The following UGT2B17 variants were observed in gnomAD, a reference collection of about 807,000 sequenced individuals.
UGT2B17 encodes the protein UDP glucuronosyltransferase family 2 member B17.
Under a neutral mutation model 48.2 loss-of-function variants are expected in UGT2B17, and 21 were observed. The observed-to-expected ratio is 0.44, with a 90% CI of 0.31 to 0.63. UGT2B17 has a LOEUF of 0.63. Among genes scored for constraint, UGT2B17 ranks in the 20% least tolerant of loss-of-function variants. UGT2B17 has a pLI of 0.08. For synonymous variants in UGT2B17, 146 were observed against 238.4 expected (o/e 0.61, Z 3.57); for missense variants, 402 against 696.1 (o/e 0.58, Z 4.75).
Position 68,553,599 on chromosome 4 carries a change from C to A in UGT2B17, c.1006-1688G>T, listed in dbSNP as rs1161107906. 8.0e-5 allele frequency among the ~76,000 whole-genome samples: 10 copies of A among 125,176 alleles called. 2 individuals are homozygous for A. The Admixed American group carries it at 8.2e-4, about 10-fold the overall frequency. 82.1% of individuals were successfully genotyped at this position (125,176 alleles called of 152,430 possible). On this transcript the variant is annotated intron_variant, in intron 4 of 6. Coordinates refer to ENST00000317746, the MANE Select transcript of UGT2B17 (RefSeq NM_001077.4). The stretch of plus-strand genomic sequence containing the variant: ...TGGCTTCGAGATTACCACAGATTAC[C>A]TTGTACTGTGAGAGGATTTTACCTT...
At chr4:68,571,062 C>T (rs1375229726) in intron 1 of UGT2B17, among the ~76,000 whole-genome samples, 2 of 125,592 alleles carry the variant, frequency 1.6e-5, no homozygotes, top group African/African-American at 2.7e-5. Context: ...AAGGCTTGAC[C>T]GGTTTTATTA....
At chr4:68,574,139 G>T (rs1198470109) in intron 1 of UGT2B17, among the ~76,000 whole-genome samples, 1 of 127,020 alleles carries the variant, frequency 7.9e-6, no homozygotes, top group Non-Finnish European at 1.7e-5. Context: ...TTTGTAGCTT[G>T]ATATACTGTC....
intron 6 of UGT2B17, among the ~76,000 whole-genome samples, chr4:68,542,743 A>C (rs190028709): frequency 0.014 from 1,765 of 127,002 alleles, 428 homozygotes; most frequent in Non-Finnish European, 0.022. Context: ...CTCCCACCCT[A>C]ATACTGCGCT....
rs1731373649 is a variant in UGT2B17, at chr4:68,576,264, A to G, written c.-378T>C. Reference sequence around the variant, plus strand: ...AAACCTCTCAGACATCGAGTTGTAGAAGGAAGGGCTTTATTCAGCTGGGAA... The same window carrying G: ...AAACCTCTCAGACATCGAGTTGTAGGAGGAAGGGCTTTATTCAGCTGGGAA... On this transcript the variant is annotated 5_prime_UTR_variant, in exon 1 of 7. Coordinates refer to ENST00000317746, the MANE Select transcript of UGT2B17 (RefSeq NM_001077.4). Among the ~76,000 whole-genome samples, 4 of 125,934 alleles carry G rather than the reference A, an allele frequency of 3.2e-5. 2 individuals are homozygous for G. Among genetic ancestry groups the G allele is most frequent in the Non-Finnish European group, 3.4e-5 (2 of 59,452 alleles). The allele number at this position is 125,934 out of a possible 152,430, so 82.6% of individuals were successfully genotyped here.
At position 68,554,620 on chromosome 4, in the gene UGT2B17, A is replaced by C. The variant is rs1247666555; in HGVS notation, c.1006-2709T>G. 1.6e-5 allele frequency among the ~76,000 whole-genome samples: 2 copies of C among 125,358 alleles called. 1 individual carries two copies. The allele number at this position is 125,358 out of a possible 152,430, so 82.2% of individuals were successfully genotyped here. The stretch of plus-strand genomic sequence containing the variant: ...TGTGTAAGTGTTTGCATATATTTAA[A>C]AGGCCATTATAATTTCTATAATTTT... On this transcript the variant is annotated intron_variant, in intron 4 of 6. Coordinates refer to ENST00000317746, the MANE Select transcript of UGT2B17 (RefSeq NM_001077.4).
intron 4 of UGT2B17, among the ~76,000 whole-genome samples, chr4:68,558,098 TA>T (rs1390825712): frequency 8.1e-6 from 1 of 123,112 alleles, no homozygotes; most frequent in African/African-American, 2.8e-5. Flanking sequence ...CCTATGTAAA[TA>T]AAAAATTATT....
In UGT2B17 at chr4:68,575,475, T is replaced by C. The variant is rs1731357977; in HGVS notation, c.-65+476A>G. On this transcript the variant is annotated intron_variant, in intron 1 of 6. Coordinates refer to ENST00000317746, the MANE Select transcript of UGT2B17 (RefSeq NM_001077.4). ...TTTTCCTGGAGTCATAGTGACTCCATAGTCTCTATTAAATCCTTTCTTGAA... is the reference window on the plus strand; with the variant it reads ...TTTTCCTGGAGTCATAGTGACTCCACAGTCTCTATTAAATCCTTTCTTGAA... Among the ~76,000 whole-genome samples the C allele has an allele frequency of 1.6e-5, 2 of 125,294 alleles. 1 individual carries two copies. Among genetic ancestry groups the C allele is most frequent in the African/African-American group, 5.5e-5 (2 of 36,454 alleles). 82.2% of individuals were successfully genotyped at this position (125,294 alleles called of 152,430 possible). A position where few individuals can be genotyped will look rare whatever the true frequency, so the allele number is the denominator to read the frequency against.
intron 5 of UGT2B17, 106 bp from the exon 6 acceptor site, chr4:68,551,002 A>T: frequency 4.0e-6 from 3 of 755,740 alleles, no homozygotes; most frequent in Non-Finnish European, 5.5e-6. Context: ...CCTAGGTAAC[A>T]TTATACCCAC....
rs150513792 is a variant in UGT2B17, at chr4:68,551,888, C to T, written c.1029G>A (p.Lys343=). Residue 343 remains lysine, a synonymous_variant, in exon 5 of 7, where the codon AAG becomes AAA. Transcript: ENST00000317746. ...TATTGGAACCTAAAGTATTTGGCTT[C>T]TTGCCATCAAATCTCCATAGAACCT... is the stretch of plus-strand genomic sequence containing the variant. The part of the protein sequence containing the change: ...PQKVLWRFDG[K]KPNTLGSNTR... 6 of 1,363,190 alleles carry T rather than the reference C, an allele frequency of 4.4e-6. 2 individuals carry two copies. The African/African-American group carries it at 5.9e-5, about 13-fold the overall frequency. The allele number at this position is 1,363,190 out of a possible 1,614,324, so 84.4% of individuals were successfully genotyped here. A position where few individuals can be genotyped will look rare whatever the true frequency, so the allele number is the denominator to read the frequency against.
Position 68,537,737 on chromosome 4 carries a change from A to C in UGT2B17, c.1481T>G (p.Val494Gly), listed in dbSNP as rs1410254224. 7.2e-7 allele frequency: 1 copy of C among 1,379,438 alleles called. No homozygotes were observed. The highest frequency in any genetic ancestry group is 1.5e-5 in the African/African-American group (1 of 67,888). 85.4% of individuals were successfully genotyped at this position (1,379,438 alleles called of 1,614,324 possible). A position where few individuals can be genotyped will look rare whatever the true frequency, so the allele number is the denominator to read the frequency against. The change falls in exon 7 of 7, where the codon GTG (valine) becomes GGG (glycine). Residue 494 changes from valine (V) to glycine (G), a missense_variant. Val to Gly is a moderately radical substitution (Grantham distance 109). This residue lies in a region of UGT2B17 where 156 missense variants were observed against 258.6 expected (regional missense o/e 0.60). Transcript: ENST00000317746. ...CACGCAGGCCAGCAGGAATGCTATC[A>C]CATCCAAAGAGTGGTACTGGATCCA... ...LTWIQYHSLD[V>G]IAFLLACVAT...
rs2109766495 is a variant in UGT2B17, at chr4:68,552,003, C to T, written c.1006-92G>A. On this transcript the variant is annotated intron_variant, in intron 4 of 6. Transcript: ENST00000317746. ...TGAAGAGATTAATAATCAGTTAATCCATATAAAAGATGAAGAAATAAGAAG... is the reference window on the plus strand; with the variant it reads ...TGAAGAGATTAATAATCAGTTAATCTATATAAAAGATGAAGAAATAAGAAG... 3 of 878,276 alleles carry T rather than the reference C, an allele frequency of 3.4e-6. 1 individual carries two copies. Among genetic ancestry groups the T allele is most frequent in the Middle Eastern group, 6.1e-4 (2 of 3,278 alleles). 54.4% of individuals were successfully genotyped at this position (878,276 alleles called of 1,614,324 possible).
At position 68,565,656 on chromosome 4, in the gene UGT2B17, C is replaced by A; in HGVS notation, c.789G>T (p.Trp263Cys). 1 of 1,368,420 alleles carries A rather than the reference C, an allele frequency of 7.3e-7. No individual in the cohort carries two copies. The highest frequency in any genetic ancestry group is 9.5e-7 in the Non-Finnish European group (1 of 1,049,384). The allele number at this position is 1,368,420 out of a possible 1,614,324, so 84.8% of individuals were successfully genotyped here. The change falls in exon 3 of 7, where the codon TGG (tryptophan) becomes TGT (cysteine). Residue 263 changes from tryptophan to cysteine, a missense_variant. This residue lies in a region of UGT2B17 where 106 missense variants were observed against 169.8 expected (regional missense o/e 0.62). Coordinates refer to ENST00000317746, the MANE Select transcript of UGT2B17 (RefSeq NM_001077.4). ...KAEMWLIRTY[W>C]DFEFPRPFLP... The stretch of plus-strand genomic sequence containing the variant: ...AGAATGGGCGAGGAAATTCAAAATC[C>A]CAATAGGTTCGAATGAGCCACATTT...
rs1305803889 is a variant in UGT2B17, at chr4:68,551,502, T to C, written c.1093+322A>G. 1.4e-4 allele frequency among the ~76,000 whole-genome samples: 17 copies of C among 123,530 alleles called. 5 individuals carry two copies. Among genetic ancestry groups the C allele is most frequent in the Non-Finnish European group, 1.7e-5 (1 of 58,632 alleles). The allele number at this position is 123,530 out of a possible 152,430, so 81.0% of individuals were successfully genotyped here. On this transcript the variant is annotated intron_variant, in intron 5 of 6. Coordinates refer to ENST00000317746, the MANE Select transcript of UGT2B17 (RefSeq NM_001077.4). ...AGTACCTGTTGAAATAACCCTGCAG[T>C]AGGGGAAGGAACAGATGTAAAGTTG... is the stretch of plus-strand genomic sequence containing the variant.
chr4:68,570,942 G>A lies in UGT2B17; in HGVS notation c.-64-2394C>T, dbSNP rs940287622. 6.4e-5 allele frequency among the ~76,000 whole-genome samples: 8 copies of A among 125,798 alleles called. 2 individuals are homozygous for A. The highest frequency in any genetic ancestry group is 4.1e-4 in the Admixed American group (5 of 12,294). The allele number at this position is 125,798 out of a possible 152,430, so 82.5% of individuals were successfully genotyped here. A position where few individuals can be genotyped will look rare whatever the true frequency, so the allele number is the denominator to read the frequency against. ...TCTATGTGTAGACAGTAATTAGTAA[G>A]GTTAAATTTTTCACAAACTCCTCCT... On this transcript the variant is annotated intron_variant, in intron 1 of 6. Coordinates refer to ENST00000317746, the MANE Select transcript of UGT2B17 (RefSeq NM_001077.4).
At chr4:68,552,927 TG>T (rs1218462370) in intron 4 of UGT2B17, among the ~76,000 whole-genome samples, 1 of 124,896 alleles carries the variant, frequency 8.0e-6, no homozygotes, top group Non-Finnish European at 1.7e-5. Context: ...GGTAACTCTA[TG>T]GAGTTTGAGC....
At chr4:68,558,675 T>A (rs11732803) in intron 4 of UGT2B17, among the ~76,000 whole-genome samples, 69,166 of 124,008 alleles carry the variant, frequency 0.56, 26,950 homozygotes, top group Middle Eastern at 0.81. Flanking sequence ...GGAATAAACC[T>A]TCCTTGCCAT....
chr4:68,551,983 A>T (rs1274698228), intron 4 of UGT2B17, 72 bp from the exon 5 acceptor site: 1 of 1,048,304 alleles, frequency 9.5e-7, no homozygotes, highest in Non-Finnish European at 1.3e-6. Context: ...AATTCTGAAG[A>T]GATTAATAAT....
Position 68,575,201 on chromosome 4 carries a change from T to C in UGT2B17, c.-65+750A>G, listed in dbSNP as rs528655119. Among the ~76,000 whole-genome samples the C allele has an allele frequency of 1.3e-4, 15 of 114,862 alleles. 2 individuals carry two copies. The highest frequency in any genetic ancestry group is 1.8e-4 in the Admixed American group (2 of 10,992). The allele number at this position is 114,862 out of a possible 152,430, so 75.4% of individuals were successfully genotyped here. A position where few individuals can be genotyped will look rare whatever the true frequency, so the allele number is the denominator to read the frequency against. ...GGTATAGATGGCCTTTTTTTTTTTT[T>C]TCTCTGCTGGTCTTTCCTTGCCTCT... On this transcript the variant is annotated intron_variant, in intron 1 of 6. Coordinates refer to ENST00000317746, the MANE Select transcript of UGT2B17 (RefSeq NM_001077.4).
chr4:68,554,302 C>A lies in UGT2B17; in HGVS notation c.1006-2391G>T, dbSNP rs544815913. 3.2e-5 allele frequency among the ~76,000 whole-genome samples: 4 copies of A among 125,710 alleles called. 1 individual carries two copies. Among genetic ancestry groups the A allele is most frequent in the Non-Finnish European group, 6.7e-5 (4 of 59,390 alleles). The allele number at this position is 125,710 out of a possible 152,430, so 82.5% of individuals were successfully genotyped here. On this transcript the variant is annotated intron_variant, in intron 4 of 6. Coordinates refer to ENST00000317746, the MANE Select transcript of UGT2B17 (RefSeq NM_001077.4). ...AAGAAGAAGAATGATCCCCTGATAT[C>A]GCCTGTTTGGATTTATGACACCTCT...
Sources: allele counts gnomAD v4.1 joint callset (sites outside exome capture counted in the v4.1 genomes callset), GRCh38; gene constraint gnomAD v4.1.1; regional missense constraint gnomAD v4.1.1; transcripts MANE v1.5; gene names NCBI Gene and HGNC (gene_info 2026-07-23, HGNC 2026-07-21).